Variants in FAT1 observed in about 807,000 individuals in gnomAD.
FAT1 encodes protocadherin Fat 1.
Under a neutral mutation model 329.8 loss-of-function variants are expected in FAT1, and 171 were observed. The ratio of observed to expected loss-of-function variants is 0.52; its 90% CI spans 0.46 to 0.59. The LOEUF is 0.59. FAT1 is among the 20% of genes least tolerant of loss of function. The pLI, the probability that FAT1 is intolerant of heterozygous loss-of-function variation, is 0.00. For missense variants in FAT1, 5,672 were observed against 5,774.4 expected, an observed-to-expected ratio of 0.98 and a Z score of 0.57; for synonymous variants, 2,233 against 2,228.6, an observed-to-expected ratio of 1.00 and a Z score of -0.06.
At chr4:186,715,135 C>A (rs186398377) in intron 1 of FAT1, among the ~76,000 whole-genome samples, 180 of 147,820 alleles carry the variant, frequency 1.2e-3, no homozygotes, top group Middle Eastern at 3.5e-3. Flanking sequence ...TCCATCCCCC[C>A]ACCAGAAGGC....
rs760069809 is a variant in FAT1, at chr4:186,603,455, G to A, written c.11071C>T (p.His3691Tyr). 13 of 1,613,888 alleles carry A rather than the reference G, an allele frequency of 8.1e-6. No individual in the cohort carries two copies. Among genetic ancestry groups the A allele is most frequent in the Non-Finnish European group, 1.0e-5 (12 of 1,179,906 alleles). Reference sequence around the variant, plus strand: ...TCTACAAAAAGTAAGACGTCCAGATGTGGGTGAGGTTCAGAGGACTGCAAA... The same window carrying A: ...TCTACAAAAAGTAAGACGTCCAGATATGGGTGAGGTTCAGAGGACTGCAAA... ...VSLQSSEPHP[H>Y]LDVLLFVEKP... Residue 3691 changes from histidine (H) to tyrosine (Y), a missense_variant, in exon 19 of 27, where the codon CAT (histidine) becomes TAT (tyrosine). Physicochemically the swap from His to Tyr is moderately conservative, Grantham distance 83. Transcript: ENST00000441802.
At chr4:186,600,492 C>A (rs115187048) in intron 21 of FAT1, 132 bp from the exon 22 acceptor site, 1 of 688,426 alleles carries the variant, frequency 1.5e-6, no homozygotes, top group South Asian at 2.0e-5. Context: ...TACTACAGAG[C>A]ACAGATTCAT....
At chr4:186,605,153 G>T (rs1239474607) in intron 17 of FAT1, among the ~76,000 whole-genome samples, 1 of 150,468 alleles carries the variant, frequency 6.6e-6, no homozygotes, top group Non-Finnish European at 1.5e-5. Flanking sequence ...GAGGTGGAGG[G>T]TGCAGTGAGC....
At chr4:186,609,397 A>G in intron 15 of FAT1, 77 bp from the exon 16 acceptor site, 2 of 1,497,880 alleles carry the variant, frequency 1.3e-6, no homozygotes, top group Non-Finnish European at 1.8e-6. Context: ...TGTGATATTA[A>G]TAGCTTAGCT....
At chr4:186,683,869 G>A (rs1280599748) in intron 2 of FAT1, among the ~76,000 whole-genome samples, 3 of 151,852 alleles carry the variant, frequency 2.0e-5, no homozygotes, top group Non-Finnish European at 4.4e-5. Context: ...TTCCCTCAGT[G>A]ATCCTTCCAA....
chr4:186,632,210 T>C (rs1340005276), intron 7 of FAT1, among the ~76,000 whole-genome samples: 2 of 152,254 alleles, frequency 1.3e-5, no homozygotes, highest in Non-Finnish European at 2.9e-5. Context: ...AACTTTTAAC[T>C]GCACTAATTA....
chr4:186,605,805 T>G (rs1330897898), intron 17 of FAT1, among the ~76,000 whole-genome samples: 1 of 151,764 alleles, frequency 6.6e-6, no homozygotes, highest in Non-Finnish European at 1.5e-5. Flanking sequence ...AAAGCACCAG[T>G]GGCAGCAGGT....
intron 2 of FAT1, among the ~76,000 whole-genome samples, chr4:186,664,569 A>T (rs1004744962): frequency 2.0e-5 from 3 of 152,238 alleles, no homozygotes; most frequent in African/African-American, 7.2e-5. Context: ...GGGTTAGAGT[A>T]TCTGTAATGT....
At position 186,663,565 on chromosome 4, in the gene FAT1, T is replaced by C. The variant is rs764932991; in HGVS notation, c.3314A>G (p.Tyr1105Cys). The C allele has an allele frequency of 2.5e-6, 4 of 1,612,536 alleles. No individual in the cohort carries two copies. In the Admixed American group the frequency reaches 5.0e-5, roughly 20 times the overall value. Residue 1105 changes from tyrosine to cysteine, a missense_variant, in exon 3 of 27, where the codon TAT becomes TGT. Coordinates refer to ENST00000441802, the MANE Select transcript of FAT1 (RefSeq NM_005245.4). Reference sequence around the variant, plus strand: ...ATCGGTTGCAAAGACTGTTAGCCAATAATGGGAGGTCGATTCACGGTCCAG... The same window carrying C: ...ATCGGTTGCAAAGACTGTTAGCCAACAATGGGAGGTCGATTCACGGTCCAG... The part of the protein sequence containing the change: ...DRLDRESTSH[Y>C]WLTVFATDQG...
intron 2 of FAT1, among the ~76,000 whole-genome samples, chr4:186,671,698 CA>C (rs1304414662): frequency 7.1e-5 from 10 of 141,182 alleles, no homozygotes; most frequent in Admixed American, 7.3e-5. Flanking sequence ...AACTCCGTCT[CA>C]AAAAAAAATA....
intron 1 of FAT1, among the ~76,000 whole-genome samples, chr4:186,715,746 G>A (rs1745179514): frequency 6.6e-6 from 1 of 152,046 alleles, no homozygotes; most frequent in African/African-American, 2.4e-5. Flanking sequence ...CTGCAATTTG[G>A]GATTTCTAAA....
In FAT1 at chr4:186,675,756, C is replaced by A. The variant is rs1397757189; in HGVS notation, c.3266-12143G>T. Among the ~76,000 whole-genome samples, 4 of 144,550 alleles carry A rather than the reference C, an allele frequency of 2.8e-5. No individual in the cohort carries two copies. In the South Asian group the frequency reaches 6.9e-4, roughly 25 times the overall value. 94.8% of individuals were successfully genotyped at this position (144,550 alleles called of 152,430 possible). A position where few individuals can be genotyped will look rare whatever the true frequency, so the allele number is the denominator to read the frequency against. Reference sequence around the variant, plus strand: ...GACCCTGTCTAAAACACACACACACCCACACATACACACGACCCTGTCTAA... The same window carrying A: ...GACCCTGTCTAAAACACACACACACACACACATACACACGACCCTGTCTAA... On this transcript the variant is annotated intron_variant, in intron 2 of 26. Transcript: ENST00000441802.
intron 3 of FAT1, among the ~76,000 whole-genome samples, chr4:186,652,156 T>C (rs1741696378): frequency 6.6e-6 from 1 of 152,214 alleles, no homozygotes; most frequent in Non-Finnish European, 1.5e-5. Flanking sequence ...TAGCTGTTTC[T>C]TGTTGAAAAT....
At chr4:186,677,653 G>C (rs1055154485) in intron 2 of FAT1, among the ~76,000 whole-genome samples, 10 of 152,130 alleles carry the variant, frequency 6.6e-5, no homozygotes, top group African/African-American at 2.4e-4. Flanking sequence ...CCCAGTATAT[G>C]CTCAGAAACT....
chr4:186,650,665 C>T (rs1741595889), intron 3 of FAT1, among the ~76,000 whole-genome samples: 1 of 152,172 alleles, frequency 6.6e-6, no homozygotes, highest in Admixed American at 6.5e-5. Flanking sequence ...GTACCTCTTG[C>T]TTCTCTTATA....
At chr4:186,690,004 A>G (rs1173782043) in intron 2 of FAT1, among the ~76,000 whole-genome samples, 2 of 152,192 alleles carry the variant, frequency 1.3e-5, no homozygotes, top group African/African-American at 4.8e-5. Flanking sequence ...CTCAGGTTTT[A>G]GTAGCCCCTT....
At chr4:186,598,822 T>C (rs1410284494) in intron 22 of FAT1, 2 of 152,396 alleles carry the variant, frequency 1.3e-5, no homozygotes, top group Non-Finnish European at 2.9e-5. Flanking sequence ...ATCACATCTG[T>C]TCAAAGCAGT....
chr4:186,627,997 C>T, intron 9 of FAT1, 157 bp downstream of exon 9: 1 of 804,156 alleles, frequency 1.2e-6, no homozygotes. Flanking sequence ...AAAAAAAATT[C>T]CTTTCTCCTA....
At chr4:186,671,324 T>G (rs1288275480) in intron 2 of FAT1, among the ~76,000 whole-genome samples, 2 of 152,302 alleles carry the variant, frequency 1.3e-5, no homozygotes, top group South Asian at 4.1e-4. Context: ...AAATATTACT[T>G]GTTTTGCCTA....
Sources: gnomAD v4.1 joint callset for allele counts (sites outside exome capture counted in the v4.1 genomes callset) on GRCh38, gnomAD v4.1.1 for gene constraint, MANE v1.5 for transcripts, NCBI Gene and HGNC (gene_info 2026-07-23, HGNC 2026-07-21) for gene names.